The following KRT18 variants were observed in gnomAD, a reference collection of about 807,000 sequenced individuals.
The protein encoded by KRT18 is keratin, type I cytoskeletal 18.
In KRT18, 8 loss-of-function variants were observed where a neutral mutation model predicts 39.9. The ratio of observed to expected loss-of-function variants is 0.20; its 90% CI spans 0.12 to 0.36. The LOEUF is 0.36. KRT18 is among the 10% of genes least tolerant of loss of function. KRT18 has a pLI of 1.00. For synonymous variants in KRT18, 194 were observed against 227.8 expected (o/e 0.85, Z 1.33); for missense variants, 396 against 565.7 (o/e 0.70, Z 3.04).
Position 52,949,178 on chromosome 12 carries a change from G to C in KRT18, c.5G>C (p.Ser2Thr), listed in dbSNP as rs369198778. The change falls in exon 1 of 7, where the codon AGC becomes ACC. Residue 2 changes from serine to threonine, a missense_variant. Ser to Thr is a moderately conservative substitution (Grantham distance 58). Transcript: ENST00000388835. M[S>T]FTTRSTFSTN... ...CTTTCTCTCTCCCCGGACAGCATGA[G>C]CTTCACCACTCGCTCCACCTTCTCC... 4.3e-6 allele frequency: 7 copies of C among 1,611,468 alleles called. No individual in the cohort carries two copies. Among genetic ancestry groups the C allele is most frequent in the Admixed American group, 1.7e-5 (1 of 60,006 alleles).
chr12:52,951,666 G>C lies in KRT18; in HGVS notation c.822+21G>C, dbSNP rs747752114. 15 of 1,613,370 alleles carry C rather than the reference G, an allele frequency of 9.3e-6. No individual in the cohort carries two copies. The South Asian group carries it at 1.5e-4, about 17-fold the overall frequency. On this transcript the variant is annotated intron_variant, in intron 4 of 6. Coordinates refer to ENST00000388835, the MANE Select transcript of KRT18 (RefSeq NM_000224.3). Reference sequence around the variant, plus strand: ...AGCAGGTGCGTGAGGGGAGGGGATGGCTGCCAAGGTGTGGGAGGGAGGCAG... The same window carrying C: ...AGCAGGTGCGTGAGGGGAGGGGATGCCTGCCAAGGTGTGGGAGGGAGGCAG...
intron 2 of KRT18, 108 bp from the exon 3 acceptor site, chr12:52,950,642 C>G: frequency 1.7e-6 from 2 of 1,181,394 alleles, no homozygotes; most frequent in Admixed American, 2.0e-5. Context: ...ATTGCTGACT[C>G]AAGTTGCTGG....
Position 52,949,168 on chromosome 12 carries a change from G to A in KRT18, c.-6G>A, listed in dbSNP as rs1398071847. The A allele has an allele frequency of 6.2e-7, 1 of 1,611,274 alleles. No homozygotes were observed. The highest frequency in any genetic ancestry group is 8.5e-7 in the Non-Finnish European group (1 of 1,179,428). On this transcript the variant is annotated 5_prime_UTR_variant, in exon 1 of 7. Coordinates refer to ENST00000388835, the MANE Select transcript of KRT18 (RefSeq NM_000224.3). ...GAGTCCTGTCCTTTCTCTCTCCCCG[G>A]ACAGCATGAGCTTCACCACTCGCTC...
In KRT18 at chr12:52,952,163, C is replaced by T. The variant is rs58138700; in HGVS notation, c.993C>T (p.Tyr331=). Residue 331 remains tyrosine (Y), a synonymous_variant, in exon 6 of 7, where the codon TAC becomes TAT. Transcript: ENST00000388835. Reference sequence around the variant, plus strand: ...GCCTGAGGGAGGTGGAGGCCCGCTACGCCCTACAGATGGAGCAGCTCAACG... The same window carrying T: ...GCCTGAGGGAGGTGGAGGCCCGCTATGCCCTACAGATGGAGCAGCTCAACG... ...ENSLREVEAR[Y]ALQMEQLNGI... 24 of 1,576,966 alleles carry T rather than the reference C, an allele frequency of 1.5e-5. No individual in the cohort carries two copies. The highest frequency in any genetic ancestry group is 1.7e-4 in the Middle Eastern group (1 of 5,938).
In KRT18 at chr12:52,951,809, C is replaced by T. The variant is rs932515816; in HGVS notation, c.901C>T (p.Arg301Cys). The T allele has an allele frequency of 1.4e-5, 22 of 1,610,712 alleles. No individual in the cohort carries two copies. Among genetic ancestry groups the T allele is most frequent in the Admixed American group, 1.7e-5 (1 of 60,018 alleles). The change falls in exon 5 of 7, where the codon CGT (arginine) becomes TGT (cysteine). Residue 301 changes from arginine (R) to cysteine (C), a missense_variant. Physicochemically the swap from Arg to Cys is radical, Grantham distance 180 (BLOSUM62 -3). Transcript: ENST00000388835. Reference sequence around the variant, plus strand: ...TGAGACGACGCTCACAGAGCTGAGACGTACAGTCCAGTCCTTGGAGATCGA... The same window carrying T: ...TGAGACGACGCTCACAGAGCTGAGATGTACAGTCCAGTCCTTGGAGATCGA... Reference protein sequence around the residue: ...AAETTLTELRRTVQSLEIDLD... With the variant: ...AAETTLTELRCTVQSLEIDLD...
In KRT18 at chr12:52,949,133, C is replaced by T. The variant is rs545237524; in HGVS notation, c.-41C>T. 5.2e-6 allele frequency: 7 copies of T among 1,333,522 alleles called. No homozygotes were observed. In the African/African-American group the frequency reaches 1.9e-4, roughly 36 times the overall value. The allele number at this position is 1,333,522 out of a possible 1,614,324, so 82.6% of individuals were successfully genotyped here. Reference sequence around the variant, plus strand: ...GCTCGCGCAGGCCGCCACCGTCGTCCGCAAAGCCTGAGTCCTGTCCTTTCT... The same window carrying T: ...GCTCGCGCAGGCCGCCACCGTCGTCTGCAAAGCCTGAGTCCTGTCCTTTCT... On this transcript the variant is annotated 5_prime_UTR_variant, in exon 1 of 7. Coordinates refer to ENST00000388835, the MANE Select transcript of KRT18 (RefSeq NM_000224.3).
At chr12:52,948,882 G>A (rs1003682897), upstream of KRT18, 3 of 424,470 alleles carry the variant, frequency 7.1e-6, no homozygotes, top group South Asian at 9.6e-5. Flanking sequence ...CAGCCTCGAG[G>A]GCCAACAACA....
chr12:52,950,194 G>A, intron 1 of KRT18, 134 bp from the exon 2 acceptor site: 2 of 770,848 alleles, frequency 2.6e-6, no homozygotes, highest in Non-Finnish European at 4.8e-6. Flanking sequence ...AAAGGGATAG[G>A]TGTCCAGGGA....
Position 52,951,813 on chromosome 12 carries a change from C to G in KRT18, c.905C>G (p.Thr302Arg). The G allele has an allele frequency of 1.2e-6, 2 of 1,610,300 alleles. No individual in the cohort carries two copies. The highest frequency in any genetic ancestry group is 1.7e-6 in the Non-Finnish European group (2 of 1,179,984). The part of the protein sequence containing the change: ...AETTLTELRR[T>R]VQSLEIDLDS... Reference sequence around the variant, plus strand: ...ACGACGCTCACAGAGCTGAGACGTACAGTCCAGTCCTTGGAGATCGACCTG... The same window carrying G: ...ACGACGCTCACAGAGCTGAGACGTAGAGTCCAGTCCTTGGAGATCGACCTG... The change falls in exon 5 of 7, where the codon ACA (threonine) becomes AGA (arginine). Residue 302 changes from threonine to arginine, a missense_variant. Coordinates refer to ENST00000388835, the MANE Select transcript of KRT18 (RefSeq NM_000224.3).
At position 52,952,105 on chromosome 12, in the gene KRT18, C is replaced by G. The variant is rs763517356; in HGVS notation, c.949-14C>G. On this transcript the variant is annotated splice_polypyrimidine_tract_variant and intron_variant, in intron 5 of 6. Coordinates refer to ENST00000388835, the MANE Select transcript of KRT18 (RefSeq NM_000224.3). ...TCTGGGCTCACCCTGCCCCTCCTCT[C>G]TGTGCCCCTGCAGAAGGCCAGCTTG... 6.5e-6 allele frequency: 10 copies of G among 1,545,358 alleles called. No homozygotes were observed. The highest frequency in any genetic ancestry group is 8.8e-6 in the Non-Finnish European group (10 of 1,139,744).
At chr12:52,952,657 AC>A in intron 6 of KRT18, 64 bp from the exon 7 acceptor site, 1 of 1,585,514 alleles carries the variant, frequency 6.3e-7, no homozygotes. Flanking sequence ...TTTTCCCTCT[AC>A]CTTTCTTGTC....
chr12:52,950,481 C>A, intron 2 of KRT18, 71 bp downstream of exon 2: 2 of 1,109,202 alleles, frequency 1.8e-6, no homozygotes, highest in South Asian at 1.2e-5. Flanking sequence ...CAGGCTGGGT[C>A]AGTTAGGGGC....
At chr12:52,952,621 G>A in intron 6 of KRT18, 101 bp from the exon 7 acceptor site, 1 of 1,274,104 alleles carries the variant, frequency 7.8e-7, no homozygotes, top group Non-Finnish European at 1.1e-6. Context: ...GGGTGATTTG[G>A]AGATAAAGGT....
intron 2 of KRT18, 26 bp downstream of exon 2, chr12:52,950,436 G>A: frequency 6.5e-7 from 1 of 1,530,192 alleles, no homozygotes; most frequent in South Asian, 1.1e-5. Flanking sequence ...AGAGAGCTGG[G>A]GGTCCAGGGG....
chr12:52,949,103 G>C (rs1592192349), upstream of KRT18: 2 of 1,339,814 alleles, frequency 1.5e-6, no homozygotes, highest in Non-Finnish European at 2.0e-6. Flanking sequence ...AACTCGGGTC[G>C]CGCGGCTCGC....
rs777734597 is a variant in KRT18 at position 52,952,174 on chromosome 12, T to C, written c.1004T>C (p.Met335Thr). 2 of 1,583,734 alleles carry C rather than the reference T, an allele frequency of 1.3e-6. No homozygotes were observed. The highest frequency in any genetic ancestry group is 2.7e-5 in the African/African-American group (2 of 74,456). The change falls in exon 6 of 7, where the codon ATG (methionine) becomes ACG (threonine). Residue 335 changes from methionine (M) to threonine (T), a missense_variant. By Grantham distance (81) the Met-to-Thr change is moderately conservative. Coordinates refer to ENST00000388835, the MANE Select transcript of KRT18 (RefSeq NM_000224.3). ...REVEARYALQ[M>T]EQLNGILLHL... is the part of the protein sequence containing the mutation. Reference sequence around the variant, plus strand: ...GTGGAGGCCCGCTACGCCCTACAGATGGAGCAGCTCAACGGGATCCTGCTG... The same window carrying C: ...GTGGAGGCCCGCTACGCCCTACAGACGGAGCAGCTCAACGGGATCCTGCTG...
At chr12:52,952,696 A>G (rs370618301) in intron 6 of KRT18, 26 bp from the exon 7 acceptor site, 60 of 1,609,630 alleles carry the variant, frequency 3.7e-5, no homozygotes, top group South Asian at 3.1e-4. Context: ...GGCTGTTTAT[A>G]ACTTGGGCTT....
intron 1 of KRT18, chr12:52,950,096 C>T: frequency 1.5e-6 from 1 of 646,640 alleles, no homozygotes; most frequent in Non-Finnish European, 2.8e-6. Context: ...GGCCAGCCAG[C>T]TAGCCAGCCT....
rs1397538976 is a variant in KRT18, at chr12:52,950,051, G to A, written c.418-277G>A. ...AAATGCCAGGAGAGGGCCAGGAAGA[G>A]GACTTGTTAGTAGCGACTCACTTCT... On this transcript the variant is annotated intron_variant, in intron 1 of 6. Transcript: ENST00000388835. 5 of 611,550 alleles carry A rather than the reference G, an allele frequency of 8.2e-6. No individual in the cohort carries two copies. The Admixed American group carries it at 8.7e-5, about 11-fold the overall frequency. 37.9% of individuals were successfully genotyped at this position (611,550 alleles called of 1,614,324 possible). A position where few individuals can be genotyped will look rare whatever the true frequency, so the allele number is the denominator to read the frequency against.
Sources: gnomAD v4.1 joint callset for allele counts on GRCh38, gnomAD v4.1.1 for gene constraint, MANE v1.5 for transcripts, NCBI Gene and HGNC (gene_info 2026-07-23, HGNC 2026-07-21) for gene names.